CLSTN2: variants seen among roughly 807,000 people sequenced by gnomAD.
The protein encoded by CLSTN2 is calsyntenin-2.
In CLSTN2, 48 loss-of-function variants were observed where a neutral mutation model predicts 101.2. The ratio of observed to expected loss-of-function variants is 0.47; its 90% confidence interval spans 0.38 to 0.60. CLSTN2 has a LOEUF of 0.60. Among genes scored for constraint, CLSTN2 ranks in the 20% least tolerant of loss-of-function variants. The pLI is 0.00. For missense variants in CLSTN2, 1,160 were observed against 1,238.2 expected (o/e 0.94, Z 0.95); for synonymous variants, 481 against 463.6 (o/e 1.04, Z -0.48).
intron 1 of CLSTN2, among the ~76,000 whole-genome samples, chr3:140,090,000 T>A (rs4683477): frequency 0.099 from 11,235 of 113,620 alleles, 817 homozygotes; most frequent in African/African-American, 0.21. Flanking sequence ...TTTTTTTTTT[T>A]AACAGACTGA....
intron 2 of CLSTN2, among the ~76,000 whole-genome samples, chr3:140,274,429 T>G (rs2086775065): frequency 6.6e-6 from 1 of 152,164 alleles, no homozygotes; most frequent in Non-Finnish European, 1.5e-5. Context: ...TGTTAATTAT[T>G]TGTTTAAATT....
chr3:140,152,205 TTGGG>T (rs1442669446), intron 1 of CLSTN2, among the ~76,000 whole-genome samples: 1 of 152,224 alleles, frequency 6.6e-6, no homozygotes, highest in Non-Finnish European at 1.5e-5. Flanking sequence ...TCTAATGTCC[TTGGG>T]AGCTTTTCCA....
At chr3:140,396,485 A>G (rs375607429) in intron 2 of CLSTN2, among the ~76,000 whole-genome samples, 18 of 152,284 alleles carry the variant, frequency 1.2e-4, no homozygotes, top group African/African-American at 4.3e-4. Flanking sequence ...AGAGCTAACA[A>G]TTACACAGTG....
chr3:140,204,598 T>G (rs984811636), intron 2 of CLSTN2, among the ~76,000 whole-genome samples: 1 of 151,976 alleles, frequency 6.6e-6, no homozygotes, highest in African/African-American at 2.4e-5. Flanking sequence ...AAGAAAGGCT[T>G]TACTGTCAAG....
intron 2 of CLSTN2, among the ~76,000 whole-genome samples, chr3:140,187,545 G>T (rs1219805591): frequency 6.6e-6 from 1 of 152,170 alleles, no homozygotes; most frequent in African/African-American, 2.4e-5. Flanking sequence ...TTTCAGAGAA[G>T]GCTTGATGCT....
At chr3:140,074,308 G>T (rs2107778035) in intron 1 of CLSTN2, among the ~76,000 whole-genome samples, 1 of 152,236 alleles carries the variant, frequency 6.6e-6, no homozygotes, top group South Asian at 2.1e-4. Context: ...CCCCCCAACA[G>T]TGGATGGACA....
chr3:140,079,149 T>C (rs2008543443), intron 1 of CLSTN2, among the ~76,000 whole-genome samples: 2 of 152,150 alleles, frequency 1.3e-5, no homozygotes, highest in African/African-American at 4.8e-5. Flanking sequence ...GCTTCTAACA[T>C]GGTGCCTGGT....
chr3:140,104,728 C>G (rs957527592), intron 1 of CLSTN2, among the ~76,000 whole-genome samples: 2 of 152,228 alleles, frequency 1.3e-5, no homozygotes, highest in Non-Finnish European at 2.9e-5. Context: ...TATTCCAGCA[C>G]TTTGGGAGGC....
Position 140,562,874 on chromosome 3 carries a change from C to A in CLSTN2, c.2276C>A (p.Pro759Gln), listed in dbSNP as rs139860767. Residue 759 changes from proline (P) to glutamine (Q), a missense_variant, in exon 14 of 17, where the codon CCG becomes CAG. Transcript: ENST00000458420. The stretch of plus-strand genomic sequence containing the variant: ...CACATCCGCTACCGCAACTGGCGTC[C>A]GGCTTCCCTTGAGGCCCGGCGTTTC... Reference protein sequence around the residue: ...LHHIRYRNWRPASLEARRFRI... With the variant: ...LHHIRYRNWRQASLEARRFRI... The A allele has an allele frequency of 3.1e-6, 5 of 1,613,992 alleles. No individual in the cohort carries two copies. The East Asian group carries it at 1.1e-4, about 36-fold the overall frequency.
intron 8 of CLSTN2, among the ~76,000 whole-genome samples, chr3:140,524,228 CAG>C (rs2107775293): frequency 6.6e-6 from 1 of 152,338 alleles, no homozygotes; most frequent in East Asian, 1.9e-4. Context: ...AACTTGGACA[CAG>C]TGTGTTTGAA....
chr3:140,216,917 C>A (rs560924049), intron 2 of CLSTN2, among the ~76,000 whole-genome samples: 2 of 152,232 alleles, frequency 1.3e-5, no homozygotes, highest in East Asian at 3.9e-4. Flanking sequence ...GTCATAAATG[C>A]CTTACATATA....
intron 2 of CLSTN2, among the ~76,000 whole-genome samples, chr3:140,380,632 C>G (rs2087969863): frequency 6.6e-6 from 1 of 152,212 alleles, no homozygotes; most frequent in South Asian, 2.1e-4. Context: ...CTATTTCCTA[C>G]AAAGTACCAC....
At chr3:140,382,537 A>C (rs2087996823) in intron 2 of CLSTN2, among the ~76,000 whole-genome samples, 1 of 152,216 alleles carries the variant, frequency 6.6e-6, no homozygotes, top group Admixed American at 6.5e-5. Context: ...TCCTACAGCC[A>C]GTGCCATCTT....
At chr3:140,452,211 C>A (rs2108011386) in intron 6 of CLSTN2, among the ~76,000 whole-genome samples, 1 of 152,174 alleles carries the variant, frequency 6.6e-6, no homozygotes, top group East Asian at 1.9e-4. Context: ...CTTGACCCTC[C>A]CAAAGATCAG....
At chr3:140,111,678 G>T (rs1201542922) in intron 1 of CLSTN2, among the ~76,000 whole-genome samples, 2 of 152,108 alleles carry the variant, frequency 1.3e-5, no homozygotes, top group East Asian at 3.9e-4. Flanking sequence ...ATGTGTTCCT[G>T]GGGCCTACAA....
chr3:140,558,012 A>G (rs1347356564), intron 11 of CLSTN2, among the ~76,000 whole-genome samples: 1 of 152,252 alleles, frequency 6.6e-6, no homozygotes, highest in Non-Finnish European at 1.5e-5. Flanking sequence ...ACAGGAGTCA[A>G]GTGCCTTGTC....
At chr3:140,448,317 T>C (rs185060724) in intron 5 of CLSTN2, among the ~76,000 whole-genome samples, 131 of 152,334 alleles carry the variant, frequency 8.6e-4, no homozygotes, top group Non-Finnish European at 1.4e-3. Flanking sequence ...GGTGCAGTTT[T>C]CTGTGTTTGC....
intron 8 of CLSTN2, among the ~76,000 whole-genome samples, chr3:140,468,070 A>G (rs1436244830): frequency 6.6e-6 from 1 of 152,222 alleles, no homozygotes; most frequent in African/African-American, 2.4e-5. Context: ...ATCCTGCTGT[A>G]TGCTAATTCT....
intron 2 of CLSTN2, among the ~76,000 whole-genome samples, chr3:140,301,804 C>T (rs936210505): frequency 6.6e-6 from 1 of 152,300 alleles, no homozygotes; most frequent in Admixed American, 6.5e-5. Context: ...CAGCAACTGC[C>T]CATCCCTACC....
Sources: allele counts gnomAD v4.1 joint callset (sites outside exome capture counted in the v4.1 genomes callset), GRCh38; gene constraint gnomAD v4.1.1; transcripts MANE v1.5; gene names NCBI Gene and HGNC (gene_info 2026-07-23, HGNC 2026-07-21).